The following SPIDR variants were observed in gnomAD, a reference collection of about 807,000 sequenced individuals.
The protein encoded by SPIDR is DNA repair-scaffolding protein.
In SPIDR, 93 loss-of-function variants were observed where a neutral mutation model predicts 104.6. The ratio of observed to expected loss-of-function variants is 0.89; its 90% CI spans 0.75 to 1.06. The LOEUF (loss-of-function observed/expected upper bound fraction) is 1.06. Ranked by LOEUF, SPIDR falls within the 50% of genes least tolerant of loss-of-function variation. The pLI, the probability that SPIDR is intolerant of heterozygous loss-of-function variation, is 0.00. For missense variants in SPIDR, 1,154 were observed against 1,111.2 expected, an observed-to-expected ratio of 1.04 and a Z score of -0.55; for synonymous variants, 431 against 416.9, an observed-to-expected ratio of 1.03 and a Z score of -0.41.
chr8:47,680,864 T>G (rs2077006903), intron 11 of SPIDR, among the ~76,000 whole-genome samples: 2 of 152,188 alleles, frequency 1.3e-5, no homozygotes, highest in African/African-American at 4.8e-5. Context: ...TCCCAGCACT[T>G]TGGGAGGCCG....
At chr8:47,353,159 C>A (rs1200875065) in intron 5 of SPIDR, among the ~76,000 whole-genome samples, 2 of 151,078 alleles carry the variant, frequency 1.3e-5, no homozygotes, top group Non-Finnish European at 2.9e-5. Context: ...TAAATAGCAT[C>A]AAACATGGTG....
rs1289597076 is a variant in SPIDR, at chr8:47,735,460, C to T, written c.*10C>T. On this transcript the variant is annotated 3_prime_UTR_variant, in exon 20 of 20. Transcript: ENST00000297423. ...CTCTGCAGAACACTAGCGGTTGCCGCAGGATCTGTGAACTTTGCAATGTGG... is the reference window on the plus strand; with the variant it reads ...CTCTGCAGAACACTAGCGGTTGCCGTAGGATCTGTGAACTTTGCAATGTGG... 6.2e-7 allele frequency: 1 copy of T among 1,614,016 alleles called. No homozygotes were observed. The highest frequency in any genetic ancestry group is 1.1e-5 in the South Asian group (1 of 91,074).
intron 8 of SPIDR, among the ~76,000 whole-genome samples, chr8:47,528,332 T>A (rs1268862117): frequency 6.6e-6 from 1 of 152,168 alleles, no homozygotes; most frequent in Non-Finnish European, 1.5e-5. Context: ...TTTAAAACCT[T>A]ATACTAAAGA....
chr8:47,324,255 A>C (rs1156924226), intron 5 of SPIDR, among the ~76,000 whole-genome samples: 2 of 151,812 alleles, frequency 1.3e-5, no homozygotes, highest in Non-Finnish European at 2.9e-5. Context: ...TTTGAACACA[A>C]CTCTGTGTGA....
chr8:47,735,462 G>C lies in SPIDR; in HGVS notation c.*12G>C, dbSNP rs914780118. 2.5e-6 allele frequency: 4 copies of C among 1,613,440 alleles called. No homozygotes were observed. The highest frequency in any genetic ancestry group is 2.2e-5 in the South Asian group (2 of 91,090). On this transcript the variant is annotated 3_prime_UTR_variant, in exon 20 of 20. Transcript: ENST00000297423. ...CTGCAGAACACTAGCGGTTGCCGCA[G>C]GATCTGTGAACTTTGCAATGTGGCT...
intron 5 of SPIDR, among the ~76,000 whole-genome samples, chr8:47,362,411 C>T (rs891814625): frequency 2.6e-5 from 4 of 152,166 alleles, no homozygotes; most frequent in African/African-American, 9.7e-5. Context: ...GAACACATCT[C>T]CCCTGGTATG....
At chr8:47,614,113 A>G (rs1314915902) in intron 10 of SPIDR, among the ~76,000 whole-genome samples, 1 of 152,074 alleles carries the variant, frequency 6.6e-6, no homozygotes, top group Non-Finnish European at 1.5e-5. Flanking sequence ...AAGTGAGAAC[A>G]TGTAGCGTTT....
chr8:47,478,534 T>C (rs1460929817), intron 8 of SPIDR, among the ~76,000 whole-genome samples: 2 of 152,142 alleles, frequency 1.3e-5, no homozygotes, highest in Non-Finnish European at 2.9e-5. Context: ...GTGAGGAGCC[T>C]AAGATCAGCA....
At chr8:47,680,147 GGGCATGT>G (rs1203111305) in intron 11 of SPIDR, among the ~76,000 whole-genome samples, 3 of 152,200 alleles carry the variant, frequency 2.0e-5, no homozygotes, top group African/African-American at 7.2e-5. Context: ...AAGTGAACAT[GGGCATGT>G]GGTGAAAGCA....
chr8:47,335,978 G>C (rs1554608842), intron 5 of SPIDR, among the ~76,000 whole-genome samples: 1 of 151,130 alleles, frequency 6.6e-6, no homozygotes, highest in East Asian at 1.9e-4. Context: ...TCTCGGATCT[G>C]TGTGTGGTTT....
chr8:47,728,749 A>G, intron 17 of SPIDR, 184 bp from the exon 18 acceptor site: 1 of 593,742 alleles, frequency 1.7e-6, no homozygotes, highest in East Asian at 3.1e-5. Context: ...CTCGAAGCTA[A>G]TGTTCATCCC....
intron 8 of SPIDR, among the ~76,000 whole-genome samples, chr8:47,552,563 TAG>T (rs1411482387): frequency 6.7e-6 from 1 of 149,950 alleles, no homozygotes; most frequent in South Asian, 2.1e-4. Flanking sequence ...GTTGTTTTAT[TAG>T]AGACTAGGAT....
At chr8:47,440,690 G>T (rs1461490637) in intron 8 of SPIDR, 148 bp downstream of exon 8, 3 of 717,422 alleles carry the variant, frequency 4.2e-6, no homozygotes, top group Non-Finnish European at 4.5e-6. Context: ...TTCTGTCAGA[G>T]AAGCACTGGA....
chr8:47,729,422 G>A lies in SPIDR; in HGVS notation c.2561G>A (p.Arg854His), dbSNP rs570527512. The A allele has an allele frequency of 1.4e-5, 22 of 1,594,946 alleles. No homozygotes were observed. Among genetic ancestry groups the A allele is most frequent in the Middle Eastern group, 1.7e-4 (1 of 6,038 alleles). The stretch of plus-strand genomic sequence containing the variant: ...CTTCTGCTGTTGCAGCTGTTGCAGC[G>A]CAGCATTTCCTCCCTGCTGAGGTTT... ...QCRVKVKLLQRSISSLLRFAA... is the reference protein window; with the variant it reads ...QCRVKVKLLQHSISSLLRFAA... The change falls in exon 19 of 20, where the codon CGC (arginine) becomes CAC (histidine). Residue 854 changes from arginine to histidine, a missense_variant. Coordinates refer to ENST00000297423, the MANE Select transcript of SPIDR (RefSeq NM_001080394.4).
intron 8 of SPIDR, among the ~76,000 whole-genome samples, chr8:47,456,188 G>A (rs571744774): frequency 3.3e-5 from 5 of 152,296 alleles, no homozygotes; most frequent in Non-Finnish European, 5.9e-5. Flanking sequence ...TGGAGATAGA[G>A]CCTTTAAAGA....
chr8:47,684,126 CAAAAAAAAAAAAAAAA>C lies in SPIDR; in HGVS notation c.1685+10195_1685+10210del, dbSNP rs748328609. On this transcript the variant is annotated intron_variant, in intron 11 of 19. Transcript: ENST00000297423. ...TGGGTGACAGAACAAGACTCTGTCT[CAAAAAAAAAAAAAAAA>C]AAAAAAAAACCTGATTAATAAATGA... is the stretch of plus-strand genomic sequence containing the variant. 1.6e-4 allele frequency among the ~76,000 whole-genome samples: 6 copies of C among 38,128 alleles called. No homozygotes were observed. The East Asian group carries it at 4.4e-3, about 28-fold the overall frequency. The allele number at this position is 38,128 out of a possible 152,430, so 25.0% of individuals were successfully genotyped here.
intron 8 of SPIDR, among the ~76,000 whole-genome samples, chr8:47,594,975 G>A (rs545962363): frequency 4.6e-5 from 7 of 152,106 alleles, no homozygotes; most frequent in South Asian, 4.2e-4. Flanking sequence ...CAGCCTGGGC[G>A]ACAGAGCCGA....
chr8:47,476,017 C>T (rs1256704929), intron 8 of SPIDR, among the ~76,000 whole-genome samples: 1 of 152,128 alleles, frequency 6.6e-6, no homozygotes, highest in Non-Finnish European at 1.5e-5. Flanking sequence ...GTTTTTCTTA[C>T]AGAAATTGTT....
At chr8:47,320,747 C>G (rs551341375) in intron 5 of SPIDR, among the ~76,000 whole-genome samples, 266 of 152,298 alleles carry the variant, frequency 1.7e-3, no homozygotes, top group Non-Finnish European at 2.8e-3. Flanking sequence ...AGCTTATCCA[C>G]CATGATCAAG....
Sources: allele counts gnomAD v4.1 joint callset (sites outside exome capture counted in the v4.1 genomes callset), GRCh38; gene constraint gnomAD v4.1.1; transcripts MANE v1.5; gene names NCBI Gene and HGNC (gene_info 2026-07-23, HGNC 2026-07-21).